DPP6: variants seen among roughly 807,000 people sequenced by gnomAD.
DPP6 encodes A-type potassium channel modulatory protein DPP6.
A neutral mutation model predicts 122.6 loss-of-function variants in DPP6; 69 were observed. That is an observed-to-expected ratio of 0.56 (90% CI 0.46 to 0.69). The LOEUF (loss-of-function observed/expected upper bound fraction) is 0.69. Among genes scored for constraint, DPP6 ranks in the 30% least tolerant of loss-of-function variants. The pLI is 0.00. For missense variants in DPP6, 928 were observed against 1,116.9 expected (o/e 0.83, Z 2.41); for synonymous variants, 418 against 433.1 (o/e 0.97, Z 0.43).
chr7:154,634,282 C>A (rs543185247), intron 5 of DPP6, among the ~76,000 whole-genome samples: 1 of 151,134 alleles, frequency 6.6e-6, no homozygotes, highest in South Asian at 2.1e-4. Context: ...TGTCCTTGCG[C>A]TAGTTTGCTG....
At chr7:153,984,728 TAATTC>T (rs1203174889) in intron 1 of DPP6, among the ~76,000 whole-genome samples, 2 of 152,180 alleles carry the variant, frequency 1.3e-5, no homozygotes, top group African/African-American at 4.8e-5. Flanking sequence ...TGTCATCATT[TAATTC>T]AATTTAATCT....
At chr7:154,137,121 A>G (rs1429198910) in intron 1 of DPP6, among the ~76,000 whole-genome samples, 4 of 152,184 alleles carry the variant, frequency 2.6e-5, no homozygotes, top group Non-Finnish European at 4.4e-5. Flanking sequence ...ATTTTTTATT[A>G]GGGTAGATAA....
chr7:154,804,697 C>A (rs918113309), intron 14 of DPP6, among the ~76,000 whole-genome samples: 1 of 152,168 alleles, frequency 6.6e-6, no homozygotes, highest in Admixed American at 6.5e-5. Flanking sequence ...GCAGGGGGCA[C>A]CCGGAGCCAG....
chr7:154,532,174 A>G (rs1827890972), intron 3 of DPP6, among the ~76,000 whole-genome samples: 1 of 152,160 alleles, frequency 6.6e-6, no homozygotes, highest in Non-Finnish European at 1.5e-5. Context: ...TTTAAATTTT[A>G]AAAATCTATA....
chr7:154,121,119 T>G (rs1807423841), intron 1 of DPP6, among the ~76,000 whole-genome samples: 1 of 152,210 alleles, frequency 6.6e-6, no homozygotes, highest in African/African-American at 2.4e-5. Context: ...ACTGTAAGTT[T>G]CCTGAGTCCC....
rs753839567 is a variant in DPP6 at position 154,892,417 on chromosome 7, A to C, written c.2535A>C (p.Glu845Asp). 1.9e-5 allele frequency: 30 copies of C among 1,614,026 alleles called. No homozygotes were observed. The highest frequency in any genetic ancestry group is 2.5e-5 in the Non-Finnish European group (29 of 1,179,896). Reference protein sequence around the residue: ...LYRSIINFFVECFRIQDKLLT... With the variant: ...LYRSIINFFVDCFRIQDKLLT... ...GGTCCATCATCAACTTCTTCGTGGA[A>C]TGCTTCAGGATCCAGGACAAACTGC... is the stretch of plus-strand genomic sequence containing the variant. Residue 845 changes from glutamate (E) to aspartate (D), a missense_variant, in exon 26 of 26, where the codon GAA becomes GAC. Coordinates refer to ENST00000377770, the MANE Select transcript of DPP6 (RefSeq NM_130797.4).
intron 1 of DPP6, among the ~76,000 whole-genome samples, chr7:154,147,194 G>A (rs1563246995): frequency 6.6e-6 from 1 of 152,056 alleles, no homozygotes; most frequent in Non-Finnish European, 1.5e-5. Context: ...TTGGTCCTGG[G>A]GTCCCAGGCA....
At chr7:154,399,950 C>T (rs929220575) in intron 1 of DPP6, among the ~76,000 whole-genome samples, 19 of 152,180 alleles carry the variant, frequency 1.2e-4, no homozygotes, top group African/African-American at 4.3e-4. Flanking sequence ...GAGAGTTTGC[C>T]AAGGTCAAAC....
chr7:154,619,337 T>C (rs1243916976), intron 5 of DPP6, among the ~76,000 whole-genome samples: 1 of 152,224 alleles, frequency 6.6e-6, no homozygotes, highest in African/African-American at 2.4e-5. Flanking sequence ...GCGTTACCTA[T>C]TGCTGCCTTG....
intron 2 of DPP6, among the ~76,000 whole-genome samples, chr7:154,459,427 A>T (rs980641995): frequency 1.3e-5 from 2 of 152,242 alleles, no homozygotes; most frequent in Non-Finnish European, 2.9e-5. Flanking sequence ...TCATGAAGAC[A>T]CATACCGATT....
intron 1 of DPP6, among the ~76,000 whole-genome samples, chr7:154,169,474 C>T (rs1008766040): frequency 3.9e-5 from 6 of 152,194 alleles, no homozygotes; most frequent in African/African-American, 1.4e-4. Context: ...AGCACCGATA[C>T]ATACCAGCTA....
In DPP6 at chr7:154,481,829, C is replaced by T. The variant is rs558248369; in HGVS notation, c.457+6792C>T. 3.3e-5 allele frequency among the ~76,000 whole-genome samples: 5 copies of T among 152,158 alleles called. No individual in the cohort carries two copies. The highest frequency in any genetic ancestry group is 7.3e-5 in the Non-Finnish European group (5 of 68,042). Reference sequence around the variant, plus strand: ...ACATTGACTCTTCTGGTTTTGGATTCTCCTATATCCTGCACTGACCCTTTT... The same window carrying T: ...ACATTGACTCTTCTGGTTTTGGATTTTCCTATATCCTGCACTGACCCTTTT... On this transcript the variant is annotated intron_variant, in intron 3 of 25. Transcript: ENST00000377770. The surrounding 1 kb of genome is among the most constrained non-coding windows in gnomAD (Gnocchi z 4.2).
chr7:154,571,831 T>C (rs553060737), intron 5 of DPP6, among the ~76,000 whole-genome samples: 27 of 152,360 alleles, frequency 1.8e-4, no homozygotes, highest in Non-Finnish European at 3.2e-4. Flanking sequence ...TGCCACTGCA[T>C]AGCAAATTAT....
At chr7:153,901,385 A>G (rs1799632688) in intron 1 of DPP6, among the ~76,000 whole-genome samples, 1 of 152,248 alleles carries the variant, frequency 6.6e-6, no homozygotes, top group South Asian at 2.1e-4. Flanking sequence ...AAGTCAGTGT[A>G]GTGCAATATA....
chr7:154,253,074 G>T (rs75534990), intron 1 of DPP6, among the ~76,000 whole-genome samples: 1,538 of 152,276 alleles, frequency 0.01, 24 homozygotes, highest in African/African-American at 0.035. Context: ...CAGAGTAAAC[G>T]CATGTATATA....
the DPP6 span, among the ~76,000 whole-genome samples, chr7:153,803,864 T>TACACAC: frequency 6.7e-6 from 1 of 149,850 alleles, no homozygotes; most frequent in East Asian, 1.9e-4. Context: ...CATATATATA[T>TACACAC]ACACACAAGG....
intron 16 of DPP6, among the ~76,000 whole-genome samples, chr7:154,847,201 C>T (rs116006161): frequency 0.016 from 2,419 of 152,296 alleles, 46 homozygotes; most frequent in African/African-American, 0.048. Context: ...ACCCCCAACA[C>T]GGCTTCACCC....
At chr7:154,862,839 A>AGAT (rs1461242397) in intron 17 of DPP6, among the ~76,000 whole-genome samples, 2 of 152,270 alleles carry the variant, frequency 1.3e-5, no homozygotes, top group Non-Finnish European at 2.9e-5. Context: ...GGAGGAAAAA[A>AGAT]GATATGGCAA....
chr7:154,853,673 C>A, intron 16 of DPP6, 107 bp from the exon 17 acceptor site: 2 of 1,475,166 alleles, frequency 1.4e-6, no homozygotes, highest in Non-Finnish European at 1.8e-6. Flanking sequence ...GTTCTCCAGG[C>A]TCCGCACGTC....
Sources: allele counts gnomAD v4.1 joint callset (sites outside exome capture counted in the v4.1 genomes callset), GRCh38; gene constraint gnomAD v4.1.1; non-coding constraint Gnocchi (gnomAD v3.1); transcripts MANE v1.5; gene names NCBI Gene and HGNC (gene_info 2026-07-23, HGNC 2026-07-21).